The following SIMC1 variants were observed in gnomAD, a reference collection of about 807,000 sequenced individuals.
SIMC1 encodes SUMO-interacting motif-containing protein 1.
A neutral mutation model predicts 82.3 loss-of-function variants in SIMC1; 55 were observed. The ratio of observed to expected loss-of-function variants is 0.67; its 90% CI spans 0.54 to 0.84. The LOEUF (loss-of-function observed/expected upper bound fraction) is 0.84, where lower values mean the gene tolerates loss of function less well. SIMC1 is among the 40% of genes least tolerant of loss of function. SIMC1 has a pLI of 0.00. For synonymous variants in SIMC1, 353 were observed against 426.3 expected (o/e 0.83, Z 2.12); for missense variants, 915 against 1,107.2 (o/e 0.83, Z 2.46).
At chr5:176,248,235 A>G (rs972421120) in intron 1 of SIMC1, among the ~76,000 whole-genome samples, 3 of 152,114 alleles carry the variant, frequency 2.0e-5, no homozygotes, top group Non-Finnish European at 2.9e-5. Flanking sequence ...CTTCCTATCC[A>G]TGAGCATGGA....
intron 1 of SIMC1, among the ~76,000 whole-genome samples, chr5:176,254,065 T>C (rs528129758): frequency 1.3e-5 from 2 of 152,326 alleles, no homozygotes; most frequent in Admixed American, 6.5e-5. Context: ...AATTTCCTTA[T>C]CTAACTAATA....
At chr5:176,266,524 G>A (rs1581230331) in intron 1 of SIMC1, among the ~76,000 whole-genome samples, 1 of 148,504 alleles carries the variant, frequency 6.7e-6, no homozygotes. Context: ...AAAGTTTGCA[G>A]TTCGAATCTA....
chr5:176,340,698 GCTTA>G (rs1766098570), intron 9 of SIMC1, among the ~76,000 whole-genome samples: 1 of 152,238 alleles, frequency 6.6e-6, no homozygotes, highest in Non-Finnish European at 1.5e-5. Context: ...CCCTCACAGA[GCTTA>G]CTGTTTAGTG....
chr5:176,330,713 C>G (rs2162711), intron 7 of SIMC1, among the ~76,000 whole-genome samples: 80,852 of 151,882 alleles, frequency 0.53, 21,687 homozygotes, highest in Non-Finnish European at 0.58. Context: ...CAGTAAAAAG[C>G]CAACTAATGT....
chr5:176,268,818 A>G (rs1167948438), intron 1 of SIMC1, among the ~76,000 whole-genome samples: 1 of 152,218 alleles, frequency 6.6e-6, no homozygotes, highest in African/African-American at 2.4e-5. Context: ...ATTAACTACC[A>G]TGACCTGATT....
chr5:176,343,936 A>T (rs1467087611), intron 9 of SIMC1, among the ~76,000 whole-genome samples: 2 of 151,970 alleles, frequency 1.3e-5, no homozygotes, highest in Non-Finnish European at 2.9e-5. Context: ...CTGGGATTAC[A>T]GGCATGCACC....
At chr5:176,311,261 G>A (rs1343226652) in intron 4 of SIMC1, among the ~76,000 whole-genome samples, 5 of 152,028 alleles carry the variant, frequency 3.3e-5, no homozygotes, top group Non-Finnish European at 1.5e-5. Context: ...TTTGAGACAG[G>A]GTCTCTTGCT....
At chr5:176,254,842 A>G (rs922829113) in intron 1 of SIMC1, among the ~76,000 whole-genome samples, 2 of 152,264 alleles carry the variant, frequency 1.3e-5, no homozygotes, top group African/African-American at 4.8e-5. Flanking sequence ...ACTCATGGAT[A>G]GTTTCTGAAT....
At chr5:176,295,886 A>G (rs748382216) in intron 3 of SIMC1, among the ~76,000 whole-genome samples, 86 of 152,346 alleles carry the variant, frequency 5.6e-4, no homozygotes, top group Non-Finnish European at 7.9e-4. Context: ...AATGAGAGAC[A>G]TGACCATATC....
rs1763530659 is a variant in SIMC1, at chr5:176,290,910, T to C, written c.1386T>C (p.His462=). The C allele has an allele frequency of 1.9e-6, 3 of 1,610,032 alleles. No homozygotes were observed. In the African/African-American group the frequency reaches 4.0e-5, roughly 22 times the overall value. The change falls in exon 2 of 10, where the codon CAT becomes CAC. Residue 462 remains histidine, a synonymous_variant. Transcript: ENST00000429602. ...AGTACTTCTTACGTCCTCCGGTTCATCACCTCTTCTTTCAGACGCTAATAC... is the reference window on the plus strand; with the variant it reads ...AGTACTTCTTACGTCCTCCGGTTCACCACCTCTTCTTTCAGACGCTAATAC... The part of the protein sequence containing the change: ...RLKYFLRPPV[H]HLFFQTLIPD...
At chr5:176,301,480 C>A (rs1218913756) in intron 4 of SIMC1, among the ~76,000 whole-genome samples, 4 of 151,972 alleles carry the variant, frequency 2.6e-5, no homozygotes, top group Admixed American at 1.3e-4. Flanking sequence ...AAAGCCAGAT[C>A]AAAAAAACTA....
At chr5:176,292,424 C>T (rs1763622419) in intron 2 of SIMC1, among the ~76,000 whole-genome samples, 1 of 152,162 alleles carries the variant, frequency 6.6e-6, no homozygotes, top group African/African-American at 2.4e-5. Flanking sequence ...TAGGCAGGAG[C>T]CAAGGATTCA....
In SIMC1 at chr5:176,238,620, C is replaced by A; in HGVS notation, c.112C>A (p.Leu38Met). ...GGCCCTGTCGCGAACCTCCGGCGCGCTGCCCCGCCGGACCGTGGTGAGTGA... is the reference window on the plus strand; with the variant it reads ...GGCCCTGTCGCGAACCTCCGGCGCGATGCCCCGCCGGACCGTGGTGAGTGA... ...RRALSRTSGA[L>M]PRRTVDFIDL... The change falls in exon 1 of 10, where the codon CTG (leucine) becomes ATG (methionine). Residue 38 changes from leucine (L) to methionine (M), a missense_variant. By Grantham distance (15) the Leu-to-Met change is conservative. This residue lies in a region of SIMC1 where 13 missense variants were observed against 66.9 expected (regional missense o/e 0.19). Coordinates refer to ENST00000429602, the MANE Select transcript of SIMC1 (RefSeq NM_001308195.2). 8.1e-7 allele frequency: 1 copy of A among 1,229,292 alleles called. No homozygotes were observed. The highest frequency in any genetic ancestry group is 1.0e-6 in the Non-Finnish European group (1 of 986,042). The allele number at this position is 1,229,292 out of a possible 1,614,324, so 76.1% of individuals were successfully genotyped here. A position where few individuals can be genotyped will look rare whatever the true frequency, so the allele number is the denominator to read the frequency against.
At chr5:176,311,761 A>C (rs564876888) in intron 4 of SIMC1, among the ~76,000 whole-genome samples, 42 of 152,382 alleles carry the variant, frequency 2.8e-4, no homozygotes, top group African/African-American at 9.6e-4. Flanking sequence ...TAAACGTATT[A>C]GTAAATACTT....
rs775732566 is a variant in SIMC1 at position 176,290,837 on chromosome 5, G to A, written c.1313G>A (p.Arg438Gln). The stretch of plus-strand genomic sequence containing the variant: ...CCTGGGTCTGCCCACGTACAATCAC[G>A]AACACCACAAGGTGGGTTGTACAAC... The part of the protein sequence containing the change: ...AKPGSAHVQS[R>Q]TPQGGLYNRP... Residue 438 changes from arginine (R) to glutamine (Q), a missense_variant, in exon 2 of 10, where the codon CGA (arginine) becomes CAA (glutamine). By Grantham distance (43) the Arg-to-Gln change is conservative. Transcript: ENST00000429602. The A allele has an allele frequency of 5.0e-6, 8 of 1,613,546 alleles. No homozygotes were observed. Among genetic ancestry groups the A allele is most frequent in the South Asian group, 3.3e-5 (3 of 91,052 alleles).
intron 1 of SIMC1, among the ~76,000 whole-genome samples, chr5:176,259,035 C>G (rs1008087431): frequency 6.6e-6 from 1 of 151,726 alleles, no homozygotes; most frequent in Non-Finnish European, 1.5e-5. Context: ...GTTGTGCAGC[C>G]ATCACCACTA....
chr5:176,307,247 T>A (rs1024246662), intron 4 of SIMC1, among the ~76,000 whole-genome samples: 2 of 152,044 alleles, frequency 1.3e-5, no homozygotes, highest in Admixed American at 1.3e-4. Flanking sequence ...AGTGAGGGAG[T>A]GTGAAATGGG....
At position 176,313,894 on chromosome 5, in the gene SIMC1, G is replaced by A. The variant is rs201347297; in HGVS notation, c.1889+49G>A. On this transcript the variant is annotated intron_variant, in intron 5 of 9. Coordinates refer to ENST00000429602, the MANE Select transcript of SIMC1 (RefSeq NM_001308195.2). Reference sequence around the variant, plus strand: ...GATGAGAAGAGGTAAGGGATTATAGGTGGGCAGCTGCTGAAGGCCAGAATA... The same window carrying A: ...GATGAGAAGAGGTAAGGGATTATAGATGGGCAGCTGCTGAAGGCCAGAATA... 3.7e-6 allele frequency: 6 copies of A among 1,605,580 alleles called. No individual in the cohort carries two copies. In the African/African-American group the frequency reaches 8.0e-5, roughly 21 times the overall value.
chr5:176,238,542 G>A lies in SIMC1; in HGVS notation c.34G>A (p.Gly12Ser), dbSNP rs1761190612. The A allele has an allele frequency of 3.0e-6, 4 of 1,331,766 alleles. No individual in the cohort carries two copies. Among genetic ancestry groups the A allele is most frequent in the Middle Eastern group, 2.9e-4 (1 of 3,450 alleles). 82.5% of individuals were successfully genotyped at this position (1,331,766 alleles called of 1,614,324 possible). A position where few individuals can be genotyped will look rare whatever the true frequency, so the allele number is the denominator to read the frequency against. Residue 12 changes from glycine to serine, a missense_variant, in exon 1 of 10, where the codon GGC (glycine) becomes AGC (serine). Physicochemically the swap from Gly to Ser is moderately conservative, Grantham distance 56. This residue lies in a region of SIMC1 where 13 missense variants were observed against 66.9 expected (regional missense o/e 0.19). Transcript: ENST00000429602. ...TTTCATCGTGATCTCGGACGACAGCGGCTCTGAGAGCTCCGGGGGCGCCCG... is the reference window on the plus strand; with the variant it reads ...TTTCATCGTGATCTCGGACGACAGCAGCTCTGAGAGCTCCGGGGGCGCCCG... ...EDFIVISDDS[G>S]SESSGGARPG...
Sources: allele counts gnomAD v4.1 joint callset (sites outside exome capture counted in the v4.1 genomes callset), GRCh38; gene constraint gnomAD v4.1.1; regional missense constraint gnomAD v4.1.1; transcripts MANE v1.5; gene names NCBI Gene and HGNC (gene_info 2026-07-23, HGNC 2026-07-21).